The following AGXT2 variants were observed in gnomAD, a reference collection of about 807,000 sequenced individuals.
AGXT2 encodes alanine--glyoxylate aminotransferase 2.
A neutral mutation model predicts 62.5 loss-of-function variants in AGXT2; 61 were observed. The observed-to-expected ratio is 0.98, with a 90% confidence interval of 0.79 to 1.21. The LOEUF is 1.21. Ranked by LOEUF, AGXT2 falls within the 50% of genes most tolerant of loss-of-function variation. AGXT2 has a pLI of 0.00. For synonymous variants in AGXT2, 243 were observed against 218.7 expected (o/e 1.11, Z -0.98); for missense variants, 666 against 641.5 (o/e 1.04, Z -0.41).
At chr5:35,030,368 C>T (rs1229745667) in intron 7 of AGXT2, among the ~76,000 whole-genome samples, 2 of 152,014 alleles carry the variant, frequency 1.3e-5, no homozygotes, top group Non-Finnish European at 2.9e-5. Context: ...ATTAGCTGGG[C>T]GTGGTGGCAG....
intron 9 of AGXT2, among the ~76,000 whole-genome samples, chr5:35,015,773 C>T (rs1439443056): frequency 1.4e-5 from 2 of 144,842 alleles, no homozygotes; most frequent in Non-Finnish European, 3.0e-5. Context: ...TCGCTTGAAC[C>T]TGGGAGGCAG....
intron 12 of AGXT2, among the ~76,000 whole-genome samples, chr5:35,007,521 T>C (rs1320802530): frequency 1.3e-5 from 2 of 152,194 alleles, no homozygotes; most frequent in East Asian, 1.9e-4. Context: ...TAGGTAGATA[T>C]AGAGGGGAGA....
At chr5:35,034,569 G>A (rs939932671) in intron 5 of AGXT2, among the ~76,000 whole-genome samples, 2 of 152,084 alleles carry the variant, frequency 1.3e-5, no homozygotes, top group African/African-American at 4.8e-5. Context: ...AACTTTACAG[G>A]AGTCTGTTTA....
intron 12 of AGXT2, 147 bp downstream of exon 12, chr5:35,009,851 ACT>A (rs1766561117): frequency 9.6e-7 from 1 of 1,043,778 alleles, no homozygotes; most frequent in Non-Finnish European, 1.4e-6. Context: ...CATACTCAAC[ACT>A]CTCTACTAAT....
At position 35,010,022 on chromosome 5, in the gene AGXT2, C is replaced by A. The variant is rs771065822; in HGVS notation, c.1316G>T (p.Gly439Val). 2.5e-6 allele frequency: 4 copies of A among 1,614,168 alleles called. No individual in the cohort carries two copies. The highest frequency in any genetic ancestry group is 2.2e-5 in the South Asian group (2 of 91,080). ...TACCTTATCCTGCACCATTTCTATG[C>A]CTATCATGAGACCTTTGCCTCGGAC... ...GDVRGKGLMI[G>V]IEMVQDKISC... is the part of the protein sequence containing the mutation. The change falls in exon 12 of 14, where the codon GGC (glycine) becomes GTC (valine). Residue 439 changes from glycine (G) to valine (V), a missense_variant. Physicochemically the swap from Gly to Val is moderately radical, Grantham distance 109 (BLOSUM62 -3). Transcript: ENST00000231420.
In AGXT2 at chr5:35,003,852, G is replaced by C. The variant is rs1766326473; in HGVS notation, c.1348C>G (p.Arg450Gly). ...TTTACTTCTTCACGGGGAAGAGGCC[G>C]ACAGCTTATCTGTAAATATATTTTT... ...IEMVQDKISC[R>G]PLPREEVNQI... The change falls in exon 13 of 14, where the codon CGG (arginine) becomes GGG (glycine). Residue 450 changes from arginine to glycine, a missense_variant. Arg to Gly is a moderately radical substitution (Grantham distance 125). Transcript: ENST00000231420. 1 of 1,613,848 alleles carries C rather than the reference G, an allele frequency of 6.2e-7. No individual in the cohort carries two copies. Among genetic ancestry groups the C allele is most frequent in the Non-Finnish European group, 8.5e-7 (1 of 1,179,800 alleles).
Position 35,033,440 on chromosome 5 carries a change from A to G in AGXT2, c.675+20T>C, listed in dbSNP as rs1459602441. On this transcript the variant is annotated intron_variant, in intron 6 of 13. Transcript: ENST00000231420. ...ACCCAGCAGTCTTTAAAGAAACAAG[A>G]GAAAAATCTCCAAACTCACTGGTTG... The G allele has an allele frequency of 6.4e-6, 10 of 1,571,390 alleles. No homozygotes were observed. Among genetic ancestry groups the G allele is most frequent in the Middle Eastern group, 1.7e-4 (1 of 6,008 alleles).
intron 9 of AGXT2, among the ~76,000 whole-genome samples, chr5:35,021,124 A>G (rs1767063260): frequency 6.6e-6 from 1 of 152,254 alleles, no homozygotes; most frequent in South Asian, 2.1e-4. Context: ...GGAAGAATCA[A>G]TATCGTGAAA....
At chr5:35,039,248 A>G in intron 3 of AGXT2, 76 bp downstream of exon 3, 1 of 1,489,302 alleles carries the variant, frequency 6.7e-7, no homozygotes. Context: ...GCAAATCAAG[A>G]GTTCAGAGTC....
At chr5:35,022,407 G>A (rs1357079683) in intron 9 of AGXT2, among the ~76,000 whole-genome samples, 4 of 152,040 alleles carry the variant, frequency 2.6e-5, no homozygotes, top group African/African-American at 4.8e-5. Flanking sequence ...AAAATGATGA[G>A]TTCATGTCCT....
At chr5:35,012,099 G>A (rs1201787403) in intron 11 of AGXT2, among the ~76,000 whole-genome samples, 1 of 152,116 alleles carries the variant, frequency 6.6e-6, no homozygotes, top group Non-Finnish European at 1.5e-5. Context: ...TGGGAGGGGG[G>A]TGAGGGATGG....
At chr5:35,020,323 A>C (rs925140186) in intron 9 of AGXT2, among the ~76,000 whole-genome samples, 41 of 152,240 alleles carry the variant, frequency 2.7e-4, no homozygotes, top group Non-Finnish European at 5.0e-4. Flanking sequence ...AAAAATCCTC[A>C]ATAAAATACT....
chr5:35,016,149 G>C (rs745867405), intron 9 of AGXT2, among the ~76,000 whole-genome samples: 1 of 152,132 alleles, frequency 6.6e-6, no homozygotes, highest in Admixed American at 6.5e-5. Context: ...GTCTTCCTGC[G>C]TGTCTTTCTT....
intron 9 of AGXT2, among the ~76,000 whole-genome samples, chr5:35,024,998 C>T (rs2112240364): frequency 6.6e-6 from 1 of 152,144 alleles, no homozygotes; most frequent in African/African-American, 2.4e-5. Flanking sequence ...CAAAAAAACC[C>T]ACATTATTTC....
At chr5:35,047,109 T>A (rs1218427338) in intron 1 of AGXT2, among the ~76,000 whole-genome samples, 1 of 152,184 alleles carries the variant, frequency 6.6e-6, no homozygotes, top group Non-Finnish European at 1.5e-5. Flanking sequence ...CCTAGAGGCA[T>A]GATGAAAATT....
At chr5:35,010,870 G>A (rs898436927) in intron 11 of AGXT2, among the ~76,000 whole-genome samples, 4 of 152,136 alleles carry the variant, frequency 2.6e-5, no homozygotes, top group Non-Finnish European at 5.9e-5. Flanking sequence ...GGAAGATGGT[G>A]ACCTTTGCTC....
At position 35,040,586 on chromosome 5, in the gene AGXT2, C is replaced by T. The variant is rs756638852; in HGVS notation, c.166G>A (p.Glu56Lys). Residue 56 changes from glutamate (E) to lysine (K), a missense_variant, in exon 2 of 14, where the codon GAA becomes AAA. Physicochemically the swap from Glu to Lys is moderately conservative, Grantham distance 56. Coordinates refer to ENST00000231420, the MANE Select transcript of AGXT2 (RefSeq NM_031900.4). ...PRMPPCDFMP[E>K]RYQSLGYNRV... is the part of the protein sequence containing the mutation. ...GCCCTGAATCTCACCTGGTATCTTT[C>T]AGGCATGAAGTCACATGGAGGCATT... is the stretch of plus-strand genomic sequence containing the variant. 10 of 1,613,786 alleles carry T rather than the reference C, an allele frequency of 6.2e-6. No individual in the cohort carries two copies. The highest frequency in any genetic ancestry group is 1.1e-5 in the South Asian group (1 of 91,082).
intron 12 of AGXT2, among the ~76,000 whole-genome samples, chr5:35,009,469 G>A (rs191569140): frequency 4.9e-4 from 74 of 152,144 alleles, no homozygotes; most frequent in African/African-American, 1.6e-3. Flanking sequence ...GGTGGTGTGT[G>A]CCTGTAATCC....
At chr5:35,023,003 CA>C (rs1767171423) in intron 9 of AGXT2, among the ~76,000 whole-genome samples, 1 of 150,700 alleles carries the variant, frequency 6.6e-6, no homozygotes, top group South Asian at 2.1e-4. Flanking sequence ...TTGTCTTCTG[CA>C]AATTTTTTTT....
Sources: gnomAD v4.1 joint callset for allele counts (sites outside exome capture counted in the v4.1 genomes callset) on GRCh38, gnomAD v4.1.1 for gene constraint, MANE v1.5 for transcripts, NCBI Gene and HGNC (gene_info 2026-07-23, HGNC 2026-07-21) for gene names.